Variants in CNTN3 observed in about 807,000 individuals in gnomAD.
The protein encoded by CNTN3 is contactin-3.
A neutral mutation model predicts 119.1 loss-of-function variants in CNTN3; 60 were observed. The ratio of observed to expected loss-of-function variants is 0.50; its 90% CI spans 0.41 to 0.62. The LOEUF (loss-of-function observed/expected upper bound fraction) is 0.62, where lower values mean the gene tolerates loss of function less well. CNTN3 is among the 20% of genes least tolerant of loss of function. CNTN3 has a pLI of 0.00. For missense variants in CNTN3, 1,101 were observed against 1,242.4 expected (o/e 0.89, Z 1.71); for synonymous variants, 450 against 438.7 (o/e 1.03, Z -0.32).
At chr3:74,602,295 CAA>C (rs1167052275) in intron 1 of CNTN3, among the ~76,000 whole-genome samples, 332 of 19,658 alleles carry the variant, frequency 0.017, 1 homozygote, top group African/African-American at 0.038. Flanking sequence ...GACCTGGTCT[CAA>C]AAAAAAAAAA....
At chr3:74,478,585 T>A (rs1702703459) in intron 4 of CNTN3, among the ~76,000 whole-genome samples, 1 of 152,090 alleles carries the variant, frequency 6.6e-6, no homozygotes, top group South Asian at 2.1e-4. Flanking sequence ...CTCTGGGGAA[T>A]CTGACTTTCT....
At chr3:74,279,396 G>GAT (rs572699825) in intron 20 of CNTN3, among the ~76,000 whole-genome samples, 102 of 152,038 alleles carry the variant, frequency 6.7e-4, no homozygotes, top group Middle Eastern at 6.8e-3. Context: ...AAGAAACTGT[G>GAT]ATATATATAT....
chr3:74,503,428 G>A (rs753527478), intron 2 of CNTN3, among the ~76,000 whole-genome samples: 5 of 152,174 alleles, frequency 3.3e-5, no homozygotes, highest in Middle Eastern at 3.4e-3. Context: ...ATAATCAAAC[G>A]TGACAGGTCA....
At chr3:74,393,505 C>A (rs567399368) in intron 5 of CNTN3, among the ~76,000 whole-genome samples, 77 of 152,266 alleles carry the variant, frequency 5.1e-4, no homozygotes, top group African/African-American at 1.7e-3. Flanking sequence ...TGATGATTTG[C>A]AGAGGGAGTG....
intron 13 of CNTN3, among the ~76,000 whole-genome samples, chr3:74,320,411 C>T (rs988511649): frequency 3.3e-5 from 5 of 152,124 alleles, no homozygotes; most frequent in East Asian, 1.9e-4. Flanking sequence ...AGCAAACTAT[C>T]GCAAGGACAA....
chr3:74,399,916 C>T (rs1221125643), intron 5 of CNTN3, among the ~76,000 whole-genome samples: 1 of 152,100 alleles, frequency 6.6e-6, no homozygotes, highest in Non-Finnish European at 1.5e-5. Flanking sequence ...CTTGCGCTTC[C>T]TAGACTATGA....
intron 5 of CNTN3, among the ~76,000 whole-genome samples, chr3:74,400,941 T>C (rs1705174179): frequency 6.6e-6 from 1 of 152,170 alleles, no homozygotes; most frequent in South Asian, 2.1e-4. Context: ...TTAATACTAG[T>C]TATAAGATCA....
intron 19 of CNTN3, among the ~76,000 whole-genome samples, chr3:74,291,427 T>G (rs113209599): frequency 0.019 from 2,871 of 152,286 alleles, 40 homozygotes; most frequent in Non-Finnish European, 0.031. Flanking sequence ...GTAATGGGAT[T>G]GCTGGGTCAA....
At chr3:74,376,588 T>C (rs1375804162) in intron 5 of CNTN3, among the ~76,000 whole-genome samples, 2 of 152,156 alleles carry the variant, frequency 1.3e-5, no homozygotes, top group Non-Finnish European at 2.9e-5. Context: ...GATTCTACAT[T>C]ACAGTGAGTT....
chr3:74,400,131 A>G (rs1705155689), intron 5 of CNTN3, among the ~76,000 whole-genome samples: 1 of 152,226 alleles, frequency 6.6e-6, no homozygotes. Context: ...ATCATTAAAA[A>G]ATAAATTTCT....
intron 20 of CNTN3, among the ~76,000 whole-genome samples, chr3:74,268,845 A>G (rs961655765): frequency 6.6e-6 from 1 of 152,134 alleles, no homozygotes; most frequent in Non-Finnish European, 1.5e-5. Flanking sequence ...GAGCTATACT[A>G]CAGCATGGTT....
intron 4 of CNTN3, among the ~76,000 whole-genome samples, chr3:74,479,323 T>A (rs1026701106): frequency 2.0e-5 from 3 of 152,070 alleles, no homozygotes; most frequent in Non-Finnish European, 2.9e-5. Context: ...CAAAAGTAAC[T>A]GTGTTTTTTG....
Position 74,499,723 on chromosome 3 carries a change from C to A in CNTN3, c.118G>T (p.Gly40Cys), listed in dbSNP as rs1232709707. 1.9e-6 allele frequency: 3 copies of A among 1,611,370 alleles called. No individual in the cohort carries two copies. The Admixed American group carries it at 5.0e-5, about 27-fold the overall frequency. The change falls in exon 3 of 23, where the codon GGT becomes TGT. Residue 40 changes from glycine (G) to cysteine (C), a missense_variant. Coordinates refer to ENST00000263665, the MANE Select transcript of CNTN3 (RefSeq NM_020872.3). ...AAAGTTATTTTTTTATCTTCTGAAC[C>A]AACAGGGAAAATGCTGTTGCTGGGT... ...KEPSNSIFPV[G>C]SEDKKITLHC...
intron 13 of CNTN3, among the ~76,000 whole-genome samples, chr3:74,333,549 G>A (rs1703319246): frequency 6.6e-6 from 1 of 152,164 alleles, no homozygotes; most frequent in Admixed American, 6.6e-5. Flanking sequence ...GTGTGTCTAT[G>A]TCCAAATGGC....
At chr3:74,464,404 A>G (rs1217498738) in intron 4 of CNTN3, among the ~76,000 whole-genome samples, 1 of 152,124 alleles carries the variant, frequency 6.6e-6, no homozygotes, top group Admixed American at 6.5e-5. Flanking sequence ...TTGTTGAAAT[A>G]CTTGATGGTA....
At chr3:74,319,675 T>C (rs1164825845) in intron 13 of CNTN3, among the ~76,000 whole-genome samples, 2 of 151,690 alleles carry the variant, frequency 1.3e-5, no homozygotes, top group Non-Finnish European at 2.9e-5. Flanking sequence ...TGGGATCCAA[T>C]TAAACTAAAG....
At chr3:74,524,544 T>C (rs1433019194) in intron 1 of CNTN3, among the ~76,000 whole-genome samples, 1 of 151,800 alleles carries the variant, frequency 6.6e-6, no homozygotes, top group African/African-American at 2.4e-5. Flanking sequence ...GATGAAATAA[T>C]GAGGTGTGTG....
At chr3:74,556,151 T>C (rs1704066599) in intron 1 of CNTN3, among the ~76,000 whole-genome samples, 1 of 152,198 alleles carries the variant, frequency 6.6e-6, no homozygotes, top group Non-Finnish European at 1.5e-5. Flanking sequence ...TTTATCAAGG[T>C]ATACTTCACA....
intron 5 of CNTN3, among the ~76,000 whole-genome samples, chr3:74,372,604 CTTTTGGA>C (rs997896749): frequency 6.6e-6 from 1 of 150,776 alleles, no homozygotes; most frequent in Non-Finnish European, 1.5e-5. Flanking sequence ...AAAAAAAAAA[CTTTTGGA>C]AAACATGGAA....
Sources: allele counts gnomAD v4.1 joint callset (sites outside exome capture counted in the v4.1 genomes callset), GRCh38; gene constraint gnomAD v4.1.1; transcripts MANE v1.5; gene names NCBI Gene and HGNC (gene_info 2026-07-23, HGNC 2026-07-21).